Variants in CTH observed in about 807,000 individuals in gnomAD.
CTH encodes cystathionase (cystathionine gamma-lyase).
A neutral mutation model predicts 50.6 loss-of-function variants in CTH; 41 were observed. The observed-to-expected ratio is 0.81, with a 90% confidence interval of 0.63 to 1.05. CTH has a LOEUF of 1.05. Among genes scored for constraint, CTH ranks in the 50% least tolerant of loss-of-function variants. The pLI is 0.00. For missense variants in CTH, 470 were observed against 492.6 expected (o/e 0.95, Z 0.43); for synonymous variants, 156 against 168.9 (o/e 0.92, Z 0.59).
chr1:70,416,802 A>T (rs1684103379), intron 2 of CTH, among the ~76,000 whole-genome samples: 1 of 150,048 alleles, frequency 6.7e-6, no homozygotes. Flanking sequence ...TGACCTCGTG[A>T]TCTCCCGCCT....
chr1:70,432,721 TTGCCCAGGCTGGAGTGCAATGA>T (rs1684506271), intron 8 of CTH, among the ~76,000 whole-genome samples: 1 of 148,642 alleles, frequency 6.7e-6, no homozygotes, highest in Non-Finnish European at 1.5e-5. Context: ...AGTTTCACTC[TTGCCCAGGCTGGAGTGCAATGA>T]TGCAATTTCA....
chr1:70,419,174 A>G (rs1244556914), intron 3 of CTH, among the ~76,000 whole-genome samples: 3 of 151,948 alleles, frequency 2.0e-5, no homozygotes, highest in African/African-American at 2.4e-5. Context: ...TTATGGCTGC[A>G]TAGTATTCCA....
At chr1:70,424,698 T>G (rs1007650043) in intron 5 of CTH, among the ~76,000 whole-genome samples, 5 of 152,232 alleles carry the variant, frequency 3.3e-5, no homozygotes, top group Admixed American at 3.3e-4. Context: ...ATCCCAGCAC[T>G]TTGGGAGGCC....
chr1:70,428,979 G>A (rs1165618969), intron 5 of CTH, among the ~76,000 whole-genome samples: 3 of 151,940 alleles, frequency 2.0e-5, no homozygotes, highest in South Asian at 2.1e-4. Context: ...GAAGTGCAGC[G>A]GCTTGATCAT....
intron 10 of CTH, among the ~76,000 whole-genome samples, chr1:70,436,833 G>A (rs1392109067): frequency 2.6e-5 from 4 of 152,136 alleles, no homozygotes; most frequent in Non-Finnish European, 4.4e-5. Context: ...TGTGTATTAC[G>A]TTAAGACTCT....
chr1:70,431,972 A>G, intron 7 of CTH, 111 bp from the exon 8 acceptor site: 1 of 1,106,254 alleles, frequency 9.0e-7, no homozygotes, highest in Non-Finnish European at 1.4e-6. Context: ...GAACTCAAAC[A>G]TTGAGCTTTA....
At chr1:70,439,023 G>GA in intron 11 of CTH, 78 bp from the exon 12 acceptor site, 3 of 1,542,166 alleles carry the variant, frequency 1.9e-6, no homozygotes, top group South Asian at 1.1e-5. Flanking sequence ...GTAGTATTCA[G>GA]AAAAAGGACT....
chr1:70,423,798 G>A (rs538200286), intron 4 of CTH, among the ~76,000 whole-genome samples: 1 of 152,088 alleles, frequency 6.6e-6, no homozygotes, highest in African/African-American at 2.4e-5. Flanking sequence ...TCAAGTCTTA[G>A]ATACTTATTC....
intron 10 of CTH, among the ~76,000 whole-genome samples, chr1:70,437,997 CT>C (rs1684633772): frequency 1.3e-5 from 2 of 152,134 alleles, no homozygotes; most frequent in Admixed American, 1.3e-4. Flanking sequence ...TCGCTTTTAC[CT>C]CCTGCTTTGT....
At chr1:70,426,183 A>G (rs529644719) in intron 5 of CTH, among the ~76,000 whole-genome samples, 4 of 151,910 alleles carry the variant, frequency 2.6e-5, no homozygotes, top group African/African-American at 9.7e-5. Flanking sequence ...TTTCTTTTGT[A>G]GATCACTTTG....
chr1:70,429,552 C>T lies in CTH; in HGVS notation c.589-242C>T, dbSNP rs114174657. ...AGACCAGTTGACCTGGGCTTATCTG[C>T]GCTTTCCAAGAAACTTTTGCCTTCA... On this transcript the variant is annotated intron_variant, in intron 5 of 11. Coordinates refer to ENST00000370938, the MANE Select transcript of CTH (RefSeq NM_001902.6). 3.1e-3 allele frequency among the ~76,000 whole-genome samples: 475 copies of T among 152,272 alleles called. 3 individuals carry two copies. The highest frequency in any genetic ancestry group is 0.011 in the African/African-American group (457 of 41,548).
chr1:70,420,612 T>C (rs1298829185), intron 3 of CTH, among the ~76,000 whole-genome samples: 2 of 152,154 alleles, frequency 1.3e-5, no homozygotes, highest in African/African-American at 4.8e-5. Flanking sequence ...AACCTGTACC[T>C]GTCTGTGGCC....
rs566988643 is a variant in CTH at position 70,436,842 on chromosome 1, C to G, written c.1052+1665C>G. Among the ~76,000 whole-genome samples the G allele has an allele frequency of 2.6e-5, 4 of 152,234 alleles. No individual in the cohort carries two copies. The East Asian group carries it at 5.8e-4, about 22-fold the overall frequency. On this transcript the variant is annotated intron_variant, in intron 10 of 11. Coordinates refer to ENST00000370938, the MANE Select transcript of CTH (RefSeq NM_001902.6). ...ATGAAATGTGTATTACGTTAAGACTCTCTTGTTTAAAAAATTGTCTTAAAA... is the reference window on the plus strand; with the variant it reads ...ATGAAATGTGTATTACGTTAAGACTGTCTTGTTTAAAAAATTGTCTTAAAA...
intron 5 of CTH, among the ~76,000 whole-genome samples, chr1:70,427,607 A>G (rs181378674): frequency 1.2e-3 from 187 of 152,308 alleles, no homozygotes; most frequent in African/African-American, 4.3e-3. Flanking sequence ...AGCCACCTAT[A>G]CTAATATCTT....
chr1:70,430,331 G>C lies in CTH; in HGVS notation c.661G>C (p.Val221Leu), dbSNP rs765715942. The change falls in exon 7 of 12, where the codon GTA (valine) becomes CTA (leucine). Residue 221 changes from valine to leucine, a missense_variant. By Grantham distance (32) the Val-to-Leu change is conservative. Coordinates refer to ENST00000370938, the MANE Select transcript of CTH (RefSeq NM_001902.6). Reference protein sequence around the residue: ...TKYMNGHSDVVMGLVSVNCES... With the variant: ...TKYMNGHSDVLMGLVSVNCES... The stretch of plus-strand genomic sequence containing the variant: ...TTTGTTTTTAGGCCACAGTGATGTT[G>C]TAATGGGCCTGGTGTCTGTTAATTG... The C allele has an allele frequency of 6.3e-7, 1 of 1,593,386 alleles. No homozygotes were observed. The highest frequency in any genetic ancestry group is 8.6e-7 in the Non-Finnish European group (1 of 1,161,364).
intron 10 of CTH, among the ~76,000 whole-genome samples, 188 bp from the exon 11 acceptor site, chr1:70,438,500 C>T (rs987771640): frequency 6.6e-6 from 1 of 152,146 alleles, no homozygotes; most frequent in African/African-American, 2.4e-5. Context: ...TCTTGCTTTT[C>T]ATTTAAAATC....
intron 1 of CTH, 163 bp downstream of exon 1, chr1:70,411,746 ATGG>A (rs1683969994): frequency 6.6e-6 from 6 of 906,232 alleles, no homozygotes; most frequent in Non-Finnish European, 7.9e-6. Context: ...TTTGTATCGG[ATGG>A]TCCAGTGATC....
At position 70,427,773 on chromosome 1, in the gene CTH, C is replaced by T. The variant is rs185656274; in HGVS notation, c.589-2021C>T. ...TGTCGCCCAGGCTGGAGTGCAGTGG[C>T]GCGATCTCAGCTCACTGCAACCACC... On this transcript the variant is annotated intron_variant, in intron 5 of 11. Transcript: ENST00000370938. Among the ~76,000 whole-genome samples the T allele has an allele frequency of 9.8e-3, 1,491 of 152,204 alleles. 25 individuals carry two copies. Among genetic ancestry groups the T allele is most frequent in the Middle Eastern group, 0.031 (9 of 294 alleles).
intron 3 of CTH, among the ~76,000 whole-genome samples, chr1:70,421,051 T>C (rs1684209723): frequency 6.6e-6 from 1 of 152,182 alleles, no homozygotes; most frequent in Admixed American, 6.5e-5. Context: ...ATTTACCTTG[T>C]TTCACTGTAA....
Sources: gnomAD v4.1 joint callset for allele counts (sites outside exome capture counted in the v4.1 genomes callset) on GRCh38, gnomAD v4.1.1 for gene constraint, MANE v1.5 for transcripts, NCBI Gene and HGNC (gene_info 2026-07-23, HGNC 2026-07-21) for gene names.